The following CNTNAP2 variants were observed in gnomAD, a reference collection of about 807,000 sequenced individuals.
CNTNAP2 encodes contactin-associated protein-like 2.
Under a neutral mutation model 155.2 loss-of-function variants are expected in CNTNAP2, and 98 were observed. The ratio of observed to expected loss-of-function variants is 0.63; its 90% CI spans 0.54 to 0.75. CNTNAP2 has a LOEUF of 0.75. CNTNAP2 is among the 30% of genes least tolerant of loss of function. The pLI is 0.00. For synonymous variants in CNTNAP2, 651 were observed against 631.2 expected (o/e 1.03, Z -0.47); for missense variants, 1,727 against 1,688.1 (o/e 1.02, Z -0.40).
intron 12 of CNTNAP2, among the ~76,000 whole-genome samples, chr7:147,633,170 T>A (rs2116913548): frequency 6.6e-6 from 1 of 152,318 alleles, no homozygotes; most frequent in East Asian, 1.9e-4. Flanking sequence ...CAGCCTTGGC[T>A]AAAAGGGGTC....
intron 12 of CNTNAP2, among the ~76,000 whole-genome samples, chr7:147,597,903 T>A (rs983265440): frequency 2.0e-5 from 3 of 152,294 alleles, no homozygotes; most frequent in African/African-American, 7.2e-5. Flanking sequence ...TTCGCACCCT[T>A]TAGTTCCCAA....
intron 12 of CNTNAP2, among the ~76,000 whole-genome samples, chr7:147,602,756 T>C (rs1483262542): frequency 6.6e-6 from 1 of 152,064 alleles, no homozygotes; most frequent in Admixed American, 6.6e-5. Flanking sequence ...TTTTTGTCTT[T>C]GTGATAGTTT....
At chr7:146,346,940 A>G (rs1361140168) in intron 1 of CNTNAP2, among the ~76,000 whole-genome samples, 3 of 150,740 alleles carry the variant, frequency 2.0e-5, no homozygotes, top group Non-Finnish European at 2.9e-5. Context: ...ATTGTTTTTT[A>G]TTTTATTTTT....
intron 13 of CNTNAP2, among the ~76,000 whole-genome samples, chr7:147,823,965 G>T (rs984714326): frequency 3.9e-5 from 6 of 152,156 alleles, no homozygotes; most frequent in Non-Finnish European, 8.8e-5. Flanking sequence ...TCCCTGGCAT[G>T]ACTAAGGTTT....
chr7:147,199,805 G>A (rs1362794843), intron 8 of CNTNAP2, among the ~76,000 whole-genome samples: 2 of 150,086 alleles, frequency 1.3e-5, no homozygotes, highest in Admixed American at 1.3e-4. Context: ...TGAGAAGTTA[G>A]AAAATTAGTT....
At chr7:146,710,767 A>G (rs950268250) in intron 1 of CNTNAP2, among the ~76,000 whole-genome samples, 12 of 152,110 alleles carry the variant, frequency 7.9e-5, no homozygotes, top group Non-Finnish European at 1.6e-4. Flanking sequence ...CATTAGAGCA[A>G]TCACTAATTT....
At chr7:148,379,926 G>A (rs891122805) in intron 21 of CNTNAP2, among the ~76,000 whole-genome samples, 2 of 152,308 alleles carry the variant, frequency 1.3e-5, no homozygotes, top group East Asian at 1.9e-4. Flanking sequence ...TGAACAAGGA[G>A]CGGGAAAGCA....
At chr7:148,147,807 A>G in intron 17 of CNTNAP2, 98 bp downstream of exon 17, 2 of 1,220,506 alleles carry the variant, frequency 1.6e-6, no homozygotes, top group Non-Finnish European at 2.3e-6. Context: ...AAGGTTTGAT[A>G]TAGAGATCCT....
chr7:147,850,308 G>A (rs1449073887), intron 13 of CNTNAP2, among the ~76,000 whole-genome samples: 2 of 152,256 alleles, frequency 1.3e-5, no homozygotes, highest in African/African-American at 4.8e-5. Context: ...TCATGGATAG[G>A]AAGAATCAAT....
intron 12 of CNTNAP2, among the ~76,000 whole-genome samples, chr7:147,564,793 A>G (rs10266173): frequency 0.45 from 68,016 of 151,932 alleles, 15,430 homozygotes; most frequent in East Asian, 0.61. Context: ...CAGCACTTCA[A>G]ATGACTTCTG....
At chr7:147,405,755 T>C (rs1270940772) in intron 10 of CNTNAP2, among the ~76,000 whole-genome samples, 1 of 152,186 alleles carries the variant, frequency 6.6e-6, no homozygotes, top group Non-Finnish European at 1.5e-5. Context: ...CCTAGACAAC[T>C]GTAAACATTT....
chr7:147,514,287 G>A lies in CNTNAP2; in HGVS notation c.1777+28246G>A, dbSNP rs1233235972. 8.6e-5 allele frequency among the ~76,000 whole-genome samples: 13 copies of A among 151,734 alleles called. 1 individual carries two copies. Among genetic ancestry groups the A allele is most frequent in the Non-Finnish European group, 2.9e-5 (2 of 67,928 alleles). ...AAGGTATAAAATATATATAGATATG[G>A]ATATTATAAATCAATAGATGTAGAT... On this transcript the variant is annotated intron_variant, in intron 11 of 23. Coordinates refer to ENST00000361727, the MANE Select transcript of CNTNAP2 (RefSeq NM_014141.6).
intron 1 of CNTNAP2, among the ~76,000 whole-genome samples, chr7:146,264,153 A>G (rs1051055634): frequency 6.6e-6 from 1 of 152,146 alleles, no homozygotes; most frequent in Non-Finnish European, 1.5e-5. Flanking sequence ...TAGAAAAGCA[A>G]TCTATCCAGG....
In CNTNAP2 at chr7:147,444,260, G is replaced by T. The variant is rs558307904; in HGVS notation, c.1671-41675G>T. ...ACAAAGAAAAACTGTGTAACAACTG[G>T]CCAAAGCCCGTGGCAATTTGAGAAC... On this transcript the variant is annotated intron_variant, in intron 10 of 23. Coordinates refer to ENST00000361727, the MANE Select transcript of CNTNAP2 (RefSeq NM_014141.6). Among the ~76,000 whole-genome samples the T allele has an allele frequency of 2.6e-5, 4 of 152,200 alleles. No individual in the cohort carries two copies. In the East Asian group the frequency reaches 7.7e-4, roughly 29 times the overall value.
chr7:147,885,593 T>C lies in CNTNAP2; in HGVS notation c.2099-17972T>C, dbSNP rs2538980. Among the ~76,000 whole-genome samples the C allele has an allele frequency of 4.1e-3, 630 of 152,266 alleles. 2 individuals carry two copies. Among genetic ancestry groups the C allele is most frequent in the African/African-American group, 0.014 (600 of 41,542 alleles). On this transcript the variant is annotated intron_variant, in intron 13 of 23. Coordinates refer to ENST00000361727, the MANE Select transcript of CNTNAP2 (RefSeq NM_014141.6). ...TTTGGCTGGTCTGTCTCTCTCTCCT[T>C]ATGTTCAGAAGGCTTTTCTGTTTTG...
chr7:148,168,957 A>G (rs10225525), intron 17 of CNTNAP2, among the ~76,000 whole-genome samples: 11,384 of 152,290 alleles, frequency 0.075, 773 homozygotes, highest in African/African-American at 0.18. Flanking sequence ...AAAGGCAGGA[A>G]TCACACAAAT....
intron 15 of CNTNAP2, among the ~76,000 whole-genome samples, chr7:148,096,644 C>G (rs1803978548): frequency 6.6e-6 from 1 of 152,082 alleles, no homozygotes; most frequent in Non-Finnish European, 1.5e-5. Flanking sequence ...GTCAGGGCTG[C>G]AAGAGACAGG....
At chr7:147,225,878 AGAAGGAAGGAAG>A (rs3084356) in intron 8 of CNTNAP2, among the ~76,000 whole-genome samples, 50 of 111,656 alleles carry the variant, frequency 4.5e-4, no homozygotes, top group Admixed American at 2.0e-3. Flanking sequence ...AAGGAGGGAA[AGAAGGAAGGAAG>A]GAAGGAAGGA....
chr7:146,624,724 A>G (rs187117156), intron 1 of CNTNAP2, among the ~76,000 whole-genome samples: 25 of 151,858 alleles, frequency 1.6e-4, no homozygotes, highest in African/African-American at 5.5e-4. Flanking sequence ...TCCTTGCCAT[A>G]TAAGTTTTAG....
Sources: allele counts gnomAD v4.1 joint callset (sites outside exome capture counted in the v4.1 genomes callset), GRCh38; gene constraint gnomAD v4.1.1; transcripts MANE v1.5; gene names NCBI Gene and HGNC (gene_info 2026-07-23, HGNC 2026-07-21).